Variants in TMTC4 observed in about 807,000 individuals in gnomAD.
TMTC4 encodes the protein protein O-mannosyl-transferase TMTC4.
A neutral mutation model predicts 86.0 loss-of-function variants in TMTC4; 65 were observed. That is an observed-to-expected ratio of 0.76 (90% CI 0.62 to 0.93). The LOEUF (loss-of-function observed/expected upper bound fraction) is 0.93. Ranked by LOEUF, TMTC4 falls within the 40% of genes least tolerant of loss-of-function variation. The pLI, the probability that TMTC4 is intolerant of heterozygous loss-of-function variation, is 0.00. For synonymous variants in TMTC4, 379 were observed against 382.5 expected (o/e 0.99, Z 0.11); for missense variants, 866 against 948.1 (o/e 0.91, Z 1.14).
At chr13:100,632,151 C>T (rs1472575660) in intron 12 of TMTC4, among the ~76,000 whole-genome samples, 1 of 151,374 alleles carries the variant, frequency 6.6e-6, no homozygotes, top group African/African-American at 2.4e-5. Context: ...GTTTTCTAGC[C>T]TGTAACATAT....
In TMTC4 at chr13:100,663,222, T is replaced by C. The variant is rs202199724; in HGVS notation, c.336-42A>G. ...TGTTCAGGGTACACGCGCAGCGGCA[T>C]GCGGCAAGAAATGGCAAAGGTCTGG... is the stretch of plus-strand genomic sequence containing the variant. On this transcript the variant is annotated intron_variant, in intron 4 of 18. Coordinates refer to ENST00000342624, the MANE Select transcript of TMTC4 (RefSeq NM_032813.5). 1.2e-4 allele frequency: 184 copies of C among 1,589,180 alleles called. 1 individual carries two copies. In the Admixed American group the frequency reaches 2.9e-3, roughly 25 times the overall value.
intron 6 of TMTC4, among the ~76,000 whole-genome samples, chr13:100,644,751 A>G (rs772449531): frequency 2.0e-5 from 3 of 152,200 alleles, no homozygotes; most frequent in Non-Finnish European, 2.9e-5. Context: ...AGCTTTTCAC[A>G]AGGCCAGCTG....
At chr13:100,608,750 A>G (rs934231293) in intron 17 of TMTC4, among the ~76,000 whole-genome samples, 28 of 152,228 alleles carry the variant, frequency 1.8e-4, no homozygotes, top group African/African-American at 6.8e-4. Flanking sequence ...AGACCCAGGC[A>G]ATGAGCCAAT....
chr13:100,620,861 C>T (rs886140624), intron 15 of TMTC4, among the ~76,000 whole-genome samples: 27 of 151,938 alleles, frequency 1.8e-4, no homozygotes, highest in Non-Finnish European at 2.5e-4. Flanking sequence ...ACAAAAAACC[C>T]TCTTAAGCTA....
intron 6 of TMTC4, among the ~76,000 whole-genome samples, chr13:100,642,638 A>G (rs556412343): frequency 2.6e-5 from 4 of 152,260 alleles, no homozygotes; most frequent in Admixed American, 2.6e-4. Flanking sequence ...CTGCTAGACC[A>G]TTCTGACGAG....
At chr13:100,647,110 G>C (rs1303844921) in intron 6 of TMTC4, among the ~76,000 whole-genome samples, 1 of 152,200 alleles carries the variant, frequency 6.6e-6, no homozygotes, top group Non-Finnish European at 1.5e-5. Context: ...GGGTGGCTTT[G>C]TCCACTCAGT....
chr13:100,628,741 G>C (rs931425787), intron 12 of TMTC4, among the ~76,000 whole-genome samples: 1 of 152,156 alleles, frequency 6.6e-6, no homozygotes, highest in African/African-American at 2.4e-5. Flanking sequence ...GGAAGCCAAC[G>C]TCTGGTAGTT....
chr13:100,617,036 C>T (rs1181328688), intron 15 of TMTC4, among the ~76,000 whole-genome samples: 4 of 151,950 alleles, frequency 2.6e-5, no homozygotes, highest in African/African-American at 4.8e-5. Flanking sequence ...TGCCAATTTT[C>T]GTTTTTGTTG....
Position 100,668,619 on chromosome 13 carries a change from T to C in TMTC4, c.179A>G (p.Asp60Gly). ...AGCTTCTGAGTCATCAAAGACAAAG[T>C]CTCCATCATAGCTGCGTGCAAAACA... The part of the protein sequence containing the change: ...IVCFARSYDG[D>G]FVFDDSEAIV... Residue 60 changes from aspartate to glycine, a missense_variant, in exon 3 of 19, where the codon GAC (aspartate) becomes GGC (glycine). By Grantham distance (94) the Asp-to-Gly change is moderately conservative (BLOSUM62 -1). Transcript: ENST00000342624. The C allele has an allele frequency of 6.2e-7, 1 of 1,614,102 alleles. No individual in the cohort carries two copies. Among genetic ancestry groups the C allele is most frequent in the Non-Finnish European group, 8.5e-7 (1 of 1,180,022 alleles).
rs911536882 is a variant in TMTC4, at chr13:100,604,763, T to C, written c.*231A>G. 2.7e-5 allele frequency: 11 copies of C among 405,184 alleles called. No individual in the cohort carries two copies. The highest frequency in any genetic ancestry group is 1.0e-4 in the African/African-American group (5 of 48,154). The allele number at this position is 405,184 out of a possible 1,614,324, so 25.1% of individuals were successfully genotyped here. ...ATTAAAAAAGACATTTTTGGAATTT[T>C]AGAATTACATTTGAGTTGTCTGAAA... is the stretch of plus-strand genomic sequence containing the variant. On this transcript the variant is annotated 3_prime_UTR_variant, in exon 19 of 19. Transcript: ENST00000342624.
Position 100,643,457 on chromosome 13 carries a change from C to T in TMTC4, c.641-1146G>A, listed in dbSNP as rs147116799. Among the ~76,000 whole-genome samples, 339 of 152,148 alleles carry T rather than the reference C, an allele frequency of 2.2e-3. 1 individual carries two copies. Among genetic ancestry groups the T allele is most frequent in the African/African-American group, 7.8e-3 (323 of 41,484 alleles). ...AACGTTACCGACCTCAGGATATATTCGAAAGGAAAAAATTACATAGGAACA... is the reference window on the plus strand; with the variant it reads ...AACGTTACCGACCTCAGGATATATTTGAAAGGAAAAAATTACATAGGAACA... On this transcript the variant is annotated intron_variant, in intron 6 of 18. Coordinates refer to ENST00000342624, the MANE Select transcript of TMTC4 (RefSeq NM_032813.5).
chr13:100,612,612 T>C, intron 16 of TMTC4, 102 bp from the exon 17 acceptor site: 1 of 765,860 alleles, frequency 1.3e-6, no homozygotes, highest in Non-Finnish European at 2.2e-6. Context: ...CACATGACAA[T>C]TATGAATAAA....
At chr13:100,639,925 A>G (rs1193476152) in intron 7 of TMTC4, among the ~76,000 whole-genome samples, 3 of 152,018 alleles carry the variant, frequency 2.0e-5, no homozygotes, top group Non-Finnish European at 4.4e-5. Flanking sequence ...GAGCGACAAG[A>G]GAGAAACCGT....
intron 6 of TMTC4, among the ~76,000 whole-genome samples, chr13:100,645,544 C>T (rs1287528982): frequency 6.6e-6 from 1 of 151,588 alleles, no homozygotes; most frequent in African/African-American, 2.4e-5. Context: ...TCCCTGACTG[C>T]CCCTGTGAGC....
At chr13:100,659,925 AG>A (rs1885559709) in intron 5 of TMTC4, among the ~76,000 whole-genome samples, 1 of 147,994 alleles carries the variant, frequency 6.8e-6, no homozygotes. Flanking sequence ...TGATCACCCT[AG>A]AAGACTGGAA....
chr13:100,660,326 G>A (rs1243110460), intron 5 of TMTC4, among the ~76,000 whole-genome samples: 5 of 90,578 alleles, frequency 5.5e-5, no homozygotes, highest in Non-Finnish European at 9.3e-5. Flanking sequence ...GTGAGACTGT[G>A]TATCAAAAAA....
intron 6 of TMTC4, among the ~76,000 whole-genome samples, chr13:100,654,919 G>A (rs1011050826): frequency 6.6e-6 from 1 of 151,860 alleles, no homozygotes; most frequent in Non-Finnish European, 1.5e-5. Context: ...ACAAGGAGTA[G>A]TGACTTTAAG....
chr13:100,671,371 T>A (rs1398907619), intron 1 of TMTC4, among the ~76,000 whole-genome samples: 1 of 152,166 alleles, frequency 6.6e-6, no homozygotes, highest in Non-Finnish European at 1.5e-5. Flanking sequence ...GCCTTCTAAG[T>A]AGAATACTAA....
intron 10 of TMTC4, among the ~76,000 whole-genome samples, chr13:100,635,489 A>G (rs1478185350): frequency 1.3e-5 from 2 of 152,166 alleles, no homozygotes; most frequent in Non-Finnish European, 1.5e-5. Flanking sequence ...GGCCTTATTA[A>G]TTCACCTACT....
Sources: allele counts gnomAD v4.1 joint callset (sites outside exome capture counted in the v4.1 genomes callset), GRCh38; gene constraint gnomAD v4.1.1; transcripts MANE v1.5; gene names NCBI Gene and HGNC (gene_info 2026-07-23, HGNC 2026-07-21).